Variants in TSGA10 observed in about 807,000 individuals in gnomAD.
The protein encoded by TSGA10 is testis specific 10.
In TSGA10, 43 loss-of-function variants were observed where a neutral mutation model predicts 96.6. The ratio of observed to expected loss-of-function variants is 0.44; its 90% CI spans 0.35 to 0.57. The LOEUF is 0.57. Among genes scored for constraint, TSGA10 ranks in the 20% least tolerant of loss-of-function variants. The pLI is 0.01. For synonymous variants in TSGA10, 229 were observed against 269.9 expected (o/e 0.85, Z 1.48); for missense variants, 703 against 834.4 (o/e 0.84, Z 1.94).
rs576320459 is a variant in TSGA10 at position 99,057,889 on chromosome 2, A to C, written c.1404+7050T>G. The stretch of plus-strand genomic sequence containing the variant: ...AATTATGCCAGTGTGGTACTGATAT[A>C]AGGATAGACATACAGATCAATGAAA... On this transcript the variant is annotated intron_variant, in intron 16 of 20. Coordinates refer to ENST00000393483, the MANE Select transcript of TSGA10 (RefSeq NM_025244.4). Among the ~76,000 whole-genome samples, 10 of 152,322 alleles carry C rather than the reference A, an allele frequency of 6.6e-5. No homozygotes were observed. The South Asian group carries it at 2.1e-3, about 32-fold the overall frequency.
intron 10 of TSGA10, among the ~76,000 whole-genome samples, chr2:99,090,287 C>A (rs2089154835): frequency 6.6e-6 from 1 of 152,160 alleles, no homozygotes; most frequent in Non-Finnish European, 1.5e-5. Flanking sequence ...CCCAGATCTT[C>A]CCTCTGACAT....
chr2:99,145,968 C>CA lies in TSGA10; in HGVS notation c.-621+8724dup, dbSNP rs200382670. Among the ~76,000 whole-genome samples, 894 of 151,974 alleles carry CA rather than the reference C, an allele frequency of 5.9e-3. 1 individual carries two copies. The highest frequency in any genetic ancestry group is 9.5e-3 in the Non-Finnish European group (645 of 67,920). ...GCAACACAGTGACACCCTGTCTCTACAAAAAAAATGAATTTTAAAAATTAG... is the reference window on the plus strand; with the variant it reads ...GCAACACAGTGACACCCTGTCTCTACAAAAAAAAATGAATTTTAAAAATTAG... On this transcript the variant is annotated intron_variant, in intron 1 of 20. Transcript: ENST00000393483.
chr2:99,132,471 A>G (rs2093138048), intron 1 of TSGA10, among the ~76,000 whole-genome samples: 1 of 151,932 alleles, frequency 6.6e-6, no homozygotes. Flanking sequence ...ATCAGTGGTA[A>G]TATCTCCTTT....
At chr2:99,032,882 C>T (rs1016100662) in intron 17 of TSGA10, among the ~76,000 whole-genome samples, 6 of 152,152 alleles carry the variant, frequency 3.9e-5, no homozygotes, top group Non-Finnish European at 8.8e-5. Flanking sequence ...TCCAGGTTGA[C>T]GAGTCTACGG....
intron 2 of TSGA10, among the ~76,000 whole-genome samples, chr2:99,120,905 AAAC>A (rs1460642652): frequency 6.6e-6 from 1 of 152,212 alleles, no homozygotes; most frequent in Non-Finnish European, 1.5e-5. Flanking sequence ...AATGTTACAT[AAAC>A]AAAATCATAG....
intron 16 of TSGA10, among the ~76,000 whole-genome samples, chr2:99,063,950 T>C (rs1219929148): frequency 6.6e-6 from 1 of 152,166 alleles, no homozygotes; most frequent in Admixed American, 6.5e-5. Flanking sequence ...GTCCTCAATT[T>C]CACTTGCAAT....
chr2:99,134,676 T>C (rs184314773), intron 1 of TSGA10, among the ~76,000 whole-genome samples: 408 of 152,214 alleles, frequency 2.7e-3, no homozygotes, highest in Non-Finnish European at 4.1e-3. Context: ...TTTTTGAAAT[T>C]TTCAGCCTTT....
At chr2:99,078,974 G>A in intron 11 of TSGA10, 161 bp from the exon 12 acceptor site, 1 of 504,890 alleles carries the variant, frequency 2.0e-6, no homozygotes. Flanking sequence ...AATTTTTTTG[G>A]TTAAAAACTA....
intron 20 of TSGA10, among the ~76,000 whole-genome samples, chr2:99,011,023 G>A (rs1310637876): frequency 6.6e-6 from 1 of 152,126 alleles, no homozygotes; most frequent in Admixed American, 6.5e-5. Flanking sequence ...CCATTGGCCT[G>A]AGAACCATAC....
At chr2:99,120,179 A>G (rs567422396) in intron 2 of TSGA10, among the ~76,000 whole-genome samples, 5 of 152,196 alleles carry the variant, frequency 3.3e-5, no homozygotes, top group Non-Finnish European at 7.4e-5. Context: ...TGCATCATTT[A>G]TTACGTATCT....
intron 1 of TSGA10, among the ~76,000 whole-genome samples, chr2:99,134,662 C>CTGGTT (rs2105053667): frequency 6.6e-6 from 1 of 152,216 alleles, no homozygotes; most frequent in Non-Finnish European, 1.5e-5. Context: ...AAGAGGCGTT[C>CTGGTT]TGGTTTTTGA....
intron 1 of TSGA10, among the ~76,000 whole-genome samples, chr2:99,149,912 C>G (rs187405804): frequency 0.017 from 2,650 of 151,820 alleles, 38 homozygotes; most frequent in South Asian, 0.04. Context: ...CTTGCCTCAG[C>G]CTCCTGAATA....
At chr2:98,999,098 G>A (rs903094078) in intron 20 of TSGA10, among the ~76,000 whole-genome samples, 2 of 151,962 alleles carry the variant, frequency 1.3e-5, no homozygotes, top group Non-Finnish European at 1.5e-5. Context: ...GTTTTGCCAC[G>A]TTGGCCAGGC....
chr2:99,078,689 A>G lies in TSGA10; in HGVS notation c.852T>C (p.Ile284=), dbSNP rs2087049003. 6.2e-7 allele frequency: 1 copy of G among 1,613,544 alleles called. No individual in the cohort carries two copies. The highest frequency in any genetic ancestry group is 8.5e-7 in the Non-Finnish European group (1 of 1,179,864). The change falls in exon 12 of 21, where the codon ATT becomes ATC. Residue 284 remains isoleucine, a synonymous_variant. Coordinates refer to ENST00000393483, the MANE Select transcript of TSGA10 (RefSeq NM_025244.4). ...QACLDKKSEN[I]ASLGESLAMK... The stretch of plus-strand genomic sequence containing the variant: ...TTGCCAAACTCTCTCCAAGGGATGC[A>G]ATATTCTCAGATTTTTTATCCAAAC...
chr2:99,122,046 T>G (rs961243807), intron 2 of TSGA10, among the ~76,000 whole-genome samples: 2 of 152,228 alleles, frequency 1.3e-5, no homozygotes, highest in African/African-American at 4.8e-5. Flanking sequence ...GAACTGCATC[T>G]GCATCTCTGT....
intron 10 of TSGA10, among the ~76,000 whole-genome samples, chr2:99,097,038 A>G (rs2090133500): frequency 6.6e-6 from 1 of 152,180 alleles, no homozygotes; most frequent in African/African-American, 2.4e-5. Context: ...AAATTTACCT[A>G]TGGTAATAAG....
chr2:99,005,489 A>G (rs2078382407), intron 20 of TSGA10, among the ~76,000 whole-genome samples: 4 of 152,064 alleles, frequency 2.6e-5, no homozygotes, highest in South Asian at 4.2e-4. Flanking sequence ...GCATTCTTAT[A>G]CACCAATAAC....
At position 99,018,327 on chromosome 2, in the gene TSGA10, G is replaced by C; in HGVS notation, c.1945C>G (p.Arg649Gly). 6.2e-7 allele frequency: 1 copy of C among 1,614,040 alleles called. No homozygotes were observed. The highest frequency in any genetic ancestry group is 8.5e-7 in the Non-Finnish European group (1 of 1,179,994). The change falls in exon 20 of 21, where the codon CGC becomes GGC. Residue 649 changes from arginine to glycine, a missense_variant. Physicochemically the swap from Arg to Gly is moderately radical, Grantham distance 125. Transcript: ENST00000393483. ...GCATTACTTGAATAATTTTGGCGGC[G>C]AAGTTCTTGTACGGCCCTCTCCCTA... ...FERERAVQEL[R>G]RQNYSSNAYH...
chr2:99,035,969 T>C (rs1420394388), intron 16 of TSGA10, among the ~76,000 whole-genome samples: 2 of 152,090 alleles, frequency 1.3e-5, no homozygotes, highest in Non-Finnish European at 2.9e-5. Flanking sequence ...AGGGCAAGTA[T>C]AAATTAAGTA....
Sources: gnomAD v4.1 joint callset for allele counts (sites outside exome capture counted in the v4.1 genomes callset) on GRCh38, gnomAD v4.1.1 for gene constraint, MANE v1.5 for transcripts, NCBI Gene and HGNC (gene_info 2026-07-23, HGNC 2026-07-21) for gene names.